Variants in MACROD2 observed in about 807,000 individuals in gnomAD.
The protein encoded by MACROD2 is mono-ADP ribosylhydrolase 2.
Under a neutral mutation model 70.4 loss-of-function variants are expected in MACROD2, and 36 were observed. The observed-to-expected ratio is 0.51, with a 90% CI of 0.39 to 0.68. The LOEUF (loss-of-function observed/expected upper bound fraction) is 0.68, where lower values mean the gene tolerates loss of function less well. Among genes scored for constraint, MACROD2 ranks in the 30% least tolerant of loss-of-function variants. MACROD2 has a pLI of 0.00. For synonymous variants in MACROD2, 172 were observed against 178.8 expected (o/e 0.96, Z 0.30); for missense variants, 496 against 538.4 (o/e 0.92, Z 0.78).
intron 5 of MACROD2, among the ~76,000 whole-genome samples, chr20:15,135,981 A>T (rs1568593810): frequency 2.0e-5 from 3 of 148,502 alleles, no homozygotes; most frequent in Non-Finnish European, 4.5e-5. Flanking sequence ...AGAGAATAAC[A>T]TACCTAGGAA....
intron 3 of MACROD2, among the ~76,000 whole-genome samples, chr20:14,441,132 T>C (rs8120663): frequency 0.015 from 2,309 of 152,302 alleles, 54 homozygotes; most frequent in African/African-American, 0.052. Flanking sequence ...CTTTGATAAA[T>C]AGAATGTGAT....
chr20:14,240,609 T>C (rs994724597), intron 3 of MACROD2, among the ~76,000 whole-genome samples: 2 of 152,194 alleles, frequency 1.3e-5, no homozygotes, highest in African/African-American at 2.4e-5. Context: ...AAATACTGCG[T>C]GTTCTCACTT....
chr20:14,964,354 C>T lies in MACROD2; in HGVS notation c.419-265586C>T, dbSNP rs181739572. 1.3e-3 allele frequency among the ~76,000 whole-genome samples: 198 copies of T among 152,132 alleles called. 1 individual carries two copies. The highest frequency in any genetic ancestry group is 2.1e-3 in the Non-Finnish European group (141 of 67,982). ...TTGGGAGGCCGAGGAGGGCAGATCA[C>T]GAGGTCAGGAGATCGAGACCATCCT... On this transcript the variant is annotated intron_variant, in intron 5 of 17. Coordinates refer to ENST00000684519, the MANE Select transcript of MACROD2 (RefSeq NM_001351661.2).
At chr20:14,169,123 A>G (rs529543970) in intron 3 of MACROD2, among the ~76,000 whole-genome samples, 321 of 152,344 alleles carry the variant, frequency 2.1e-3, no homozygotes, top group African/African-American at 7.0e-3. Context: ...ATCTCAATAG[A>G]AGCAGAAAAA....
chr20:15,995,317 T>TA (rs2066612422), intron 15 of MACROD2, among the ~76,000 whole-genome samples: 1 of 151,604 alleles, frequency 6.6e-6, no homozygotes, highest in African/African-American at 2.4e-5. Context: ...GCTCAGGATG[T>TA]AAGTCTTTTT....
At chr20:14,193,571 A>G (rs2081405795) in intron 3 of MACROD2, among the ~76,000 whole-genome samples, 1 of 152,190 alleles carries the variant, frequency 6.6e-6, no homozygotes, top group South Asian at 2.1e-4. Context: ...AGGTATTACC[A>G]ACCCTAGGAC....
intron 1 of MACROD2, among the ~76,000 whole-genome samples, chr20:14,000,907 C>G (rs1203181839): frequency 6.6e-6 from 1 of 152,292 alleles, no homozygotes; most frequent in East Asian, 1.9e-4. Context: ...ACTTCTGTGG[C>G]CATTCCTCTT....
chr20:14,826,072 G>A (rs2072899111), intron 5 of MACROD2, among the ~76,000 whole-genome samples: 1 of 152,212 alleles, frequency 6.6e-6, no homozygotes, highest in Non-Finnish European at 1.5e-5. Flanking sequence ...GTTTGGTTTT[G>A]CTAGAGACAA....
At chr20:14,301,869 T>C (rs1206767024) in intron 3 of MACROD2, among the ~76,000 whole-genome samples, 1 of 152,218 alleles carries the variant, frequency 6.6e-6, no homozygotes, top group African/African-American at 2.4e-5. Flanking sequence ...AAATATGAAT[T>C]CTATTTTAAT....
intron 8 of MACROD2, among the ~76,000 whole-genome samples, chr20:15,504,383 A>C (rs937891576): frequency 6.6e-6 from 1 of 152,200 alleles, no homozygotes; most frequent in South Asian, 2.1e-4. Flanking sequence ...AGAAAAGAAA[A>C]AAAGGAGCAT....
intron 12 of MACROD2, among the ~76,000 whole-genome samples, chr20:15,941,910 A>G (rs753551358): frequency 2.0e-5 from 3 of 152,144 alleles, no homozygotes; most frequent in Non-Finnish European, 4.4e-5. Flanking sequence ...CTGGCTTTAC[A>G]TTTGTTACAA....
intron 3 of MACROD2, among the ~76,000 whole-genome samples, chr20:14,267,928 G>C (rs999952844): frequency 6.6e-6 from 1 of 151,796 alleles, no homozygotes; most frequent in Non-Finnish European, 1.5e-5. Flanking sequence ...AAAAGAAATA[G>C]GATATCAATT....
chr20:15,771,146 G>A (rs1428323263), intron 8 of MACROD2, among the ~76,000 whole-genome samples: 1 of 152,080 alleles, frequency 6.6e-6, no homozygotes, highest in South Asian at 2.1e-4. Context: ...CAGGGACTCA[G>A]CCTCAGGGTC....
intron 3 of MACROD2, among the ~76,000 whole-genome samples, chr20:14,178,273 A>C (rs1193952242): frequency 6.6e-6 from 1 of 152,238 alleles, no homozygotes; most frequent in African/African-American, 2.4e-5. Context: ...TTGGATCATT[A>C]TACTACATAG....
intron 9 of MACROD2, among the ~76,000 whole-genome samples, chr20:15,885,163 A>C (rs969074142): frequency 4.6e-5 from 7 of 152,132 alleles, no homozygotes; most frequent in African/African-American, 1.7e-4. Context: ...TGTCATCTAT[A>C]GTGCAGAGGA....
chr20:14,570,563 C>T (rs6074758), intron 4 of MACROD2, among the ~76,000 whole-genome samples: 96,726 of 150,786 alleles, frequency 0.64, 32,517 homozygotes, highest in East Asian at 0.93. Flanking sequence ...ATTTTTTTTT[C>T]CCCATGGTAA....
intron 6 of MACROD2, among the ~76,000 whole-genome samples, chr20:15,374,571 T>G (rs1568758634): frequency 6.6e-6 from 1 of 152,120 alleles, no homozygotes; most frequent in Non-Finnish European, 1.5e-5. Context: ...GTCTATGTAT[T>G]TTTTTGTTAT....
At chr20:15,580,988 T>A (rs1415873979) in intron 8 of MACROD2, among the ~76,000 whole-genome samples, 1 of 152,210 alleles carries the variant, frequency 6.6e-6, no homozygotes, top group Admixed American at 6.5e-5. Context: ...CTTCCATTTT[T>A]CTTCCTGCAA....
In MACROD2 at chr20:15,520,940, C is replaced by G. The variant is rs115706294; in HGVS notation, c.645+21093C>G. On this transcript the variant is annotated intron_variant, in intron 8 of 17. Transcript: ENST00000684519. ...ACTAGAGTTCATGGCGGAGCTGCAG[C>G]CCTCAACTTCAGCCAGCCTTTCATT... 3.4e-3 allele frequency among the ~76,000 whole-genome samples: 525 copies of G among 152,316 alleles called. 3 individuals are homozygous for G. The highest frequency in any genetic ancestry group is 0.011 in the African/African-American group (462 of 41,570).
Sources: gnomAD v4.1 joint callset for allele counts (sites outside exome capture counted in the v4.1 genomes callset) on GRCh38, gnomAD v4.1.1 for gene constraint, MANE v1.5 for transcripts, NCBI Gene and HGNC (gene_info 2026-07-23, HGNC 2026-07-21) for gene names.